UMAD1: variants seen among roughly 807,000 people sequenced by gnomAD.
UMAD1 encodes UBAP1-MVB12-associated (UMA) domain containing 1.
In UMAD1, 8 loss-of-function variants were observed where a neutral mutation model predicts 6.1. That is an observed-to-expected ratio of 1.30 (90% CI 0.76 to 2.35). The LOEUF (loss-of-function observed/expected upper bound fraction) is 2.35, where lower values mean the gene tolerates loss of function less well. Ranked by LOEUF, UMAD1 falls within the 30% of genes most tolerant of loss-of-function variation. The pLI, the probability that UMAD1 is intolerant of heterozygous loss-of-function variation, is 0.00. For synonymous variants in UMAD1, 56 were observed against 31.4 expected, an observed-to-expected ratio of 1.78 and a Z score of -2.61; for missense variants, 130 against 78.4, an observed-to-expected ratio of 1.66 and a Z score of -2.49.
At chr7:7,768,783 C>T (rs926446700) in intron 2 of UMAD1, among the ~76,000 whole-genome samples, 2 of 152,096 alleles carry the variant, frequency 1.3e-5, no homozygotes, top group Middle Eastern at 3.2e-3. Flanking sequence ...AGTATATTAT[C>T]GCACTTTACT....
At chr7:7,690,869 A>G (rs1037949074) in intron 2 of UMAD1, among the ~76,000 whole-genome samples, 2 of 152,232 alleles carry the variant, frequency 1.3e-5, no homozygotes, top group Non-Finnish European at 2.9e-5. Context: ...AAATTCAATT[A>G]TGACTTATAC....
At chr7:7,779,679 C>A (rs540545406) in intron 2 of UMAD1, among the ~76,000 whole-genome samples, 46 of 152,214 alleles carry the variant, frequency 3.0e-4, no homozygotes, top group African/African-American at 1.1e-3. Context: ...GGGTCTCACT[C>A]TGCCATCCAG....
At chr7:7,704,598 GAAAAA>G (rs35661728) in intron 2 of UMAD1, among the ~76,000 whole-genome samples, 1 of 93,636 alleles carries the variant, frequency 1.1e-5, no homozygotes, top group African/African-American at 3.9e-5. Flanking sequence ...TACTAAAATA[GAAAAA>G]AAAAAAAAAA....
chr7:7,728,149 A>G (rs1335787468), intron 2 of UMAD1, among the ~76,000 whole-genome samples: 2 of 152,150 alleles, frequency 1.3e-5, no homozygotes, highest in East Asian at 3.9e-4. Context: ...ATATGTGTGT[A>G]CATGTGTGCA....
intron 3 of UMAD1, among the ~76,000 whole-genome samples, chr7:7,866,828 T>C (rs1784237575): frequency 6.6e-6 from 1 of 152,160 alleles, no homozygotes; most frequent in Non-Finnish European, 1.5e-5. Context: ...TTTTATATGC[T>C]ACAAGTGGTA....
chr7:7,659,347 C>G (rs1010203645), intron 1 of UMAD1, among the ~76,000 whole-genome samples: 8 of 152,214 alleles, frequency 5.3e-5, no homozygotes, highest in African/African-American at 1.9e-4. Context: ...CTTCTGCTAG[C>G]TTTTGAATTT....
chr7:7,855,032 A>G (rs569163446), intron 3 of UMAD1, among the ~76,000 whole-genome samples: 1 of 152,336 alleles, frequency 6.6e-6, no homozygotes, highest in African/African-American at 2.4e-5. Context: ...CTTTGACTCC[A>G]TGTCTCATAT....
At chr7:7,737,056 C>A (rs1781373577) in intron 2 of UMAD1, among the ~76,000 whole-genome samples, 1 of 152,266 alleles carries the variant, frequency 6.6e-6, no homozygotes, top group Non-Finnish European at 1.5e-5. Context: ...GGCCATGCCC[C>A]TGTCCAGTAG....
chr7:7,765,729 T>C (rs567861287), intron 2 of UMAD1, among the ~76,000 whole-genome samples: 3 of 152,292 alleles, frequency 2.0e-5, no homozygotes, highest in Admixed American at 2.0e-4. Flanking sequence ...TCAGTCAATA[T>C]TTATTGAGCT....
At chr7:7,802,058 T>G (rs545513418) in intron 3 of UMAD1, among the ~76,000 whole-genome samples, 3 of 152,258 alleles carry the variant, frequency 2.0e-5, no homozygotes, top group Non-Finnish European at 4.4e-5. Flanking sequence ...AAATAGGCAG[T>G]ATATTAACTT....
chr7:7,786,578 T>G (rs1782465945), intron 2 of UMAD1, among the ~76,000 whole-genome samples: 1 of 151,940 alleles, frequency 6.6e-6, no homozygotes, highest in Admixed American at 6.6e-5. Flanking sequence ...CCACCCCCCG[T>G]AAGCCTTGTT....
chr7:7,721,006 A>C (rs1781038834), intron 2 of UMAD1, among the ~76,000 whole-genome samples: 1 of 152,204 alleles, frequency 6.6e-6, no homozygotes, highest in Admixed American at 6.6e-5. Context: ...ATTTGGACAC[A>C]GGGAGACACA....
At chr7:7,725,097 C>G (rs975234875) in intron 2 of UMAD1, among the ~76,000 whole-genome samples, 2 of 152,184 alleles carry the variant, frequency 1.3e-5, no homozygotes, top group Non-Finnish European at 1.5e-5. Flanking sequence ...AATTTCTAGG[C>G]GTCCAGTGGT....
intron 3 of UMAD1, among the ~76,000 whole-genome samples, chr7:7,863,964 T>C (rs2115334765): frequency 6.6e-6 from 1 of 152,364 alleles, no homozygotes; most frequent in East Asian, 1.9e-4. Flanking sequence ...TGTCATCCAC[T>C]GTGATAAGAA....
intron 2 of UMAD1, among the ~76,000 whole-genome samples, chr7:7,683,171 G>A (rs533888451): frequency 7.9e-5 from 12 of 152,194 alleles, no homozygotes; most frequent in African/African-American, 2.7e-4. Context: ...CATTTTTTTC[G>A]GGGACTCAGT....
At chr7:7,861,567 G>A (rs1195377002) in intron 3 of UMAD1, among the ~76,000 whole-genome samples, 1 of 152,138 alleles carries the variant, frequency 6.6e-6, no homozygotes, top group South Asian at 2.1e-4. Context: ...TCACTCATAC[G>A]CCCATTGGAA....
intron 2 of UMAD1, among the ~76,000 whole-genome samples, chr7:7,741,470 G>T (rs548662216): frequency 5.2e-4 from 79 of 151,708 alleles, no homozygotes; most frequent in African/African-American, 1.8e-3. Flanking sequence ...CCAGCCACCC[G>T]GGAGGCTGAG....
At chr7:7,684,460 C>A (rs142597443) in intron 2 of UMAD1, among the ~76,000 whole-genome samples, 1 of 152,056 alleles carries the variant, frequency 6.6e-6, no homozygotes, top group East Asian at 1.9e-4. Flanking sequence ...CCACCCCTTT[C>A]GGCCTCCCAA....
chr7:7,675,074 A>G (rs1779705197), intron 2 of UMAD1, among the ~76,000 whole-genome samples: 1 of 152,108 alleles, frequency 6.6e-6, no homozygotes, highest in Non-Finnish European at 1.5e-5. Flanking sequence ...CATGTTGCCC[A>G]GGTTGGTCTT....
Sources: allele counts gnomAD v4.1 joint callset (sites outside exome capture counted in the v4.1 genomes callset), GRCh38; gene constraint gnomAD v4.1.1; transcripts MANE v1.5; gene names NCBI Gene and HGNC (gene_info 2026-07-23, HGNC 2026-07-21).